The following FAM184B variants were observed in gnomAD, a reference collection of about 807,000 sequenced individuals.
FAM184B encodes family with sequence similarity 184 member B, also known as protein FAM184B.
Under a neutral mutation model 135.9 loss-of-function variants are expected in FAM184B, and 111 were observed. That is an observed-to-expected ratio of 0.82 (90% CI 0.70 to 0.96). The LOEUF (loss-of-function observed/expected upper bound fraction) is 0.96, where lower values mean the gene tolerates loss of function less well. Among genes scored for constraint, FAM184B ranks in the 40% least tolerant of loss-of-function variants. FAM184B has a pLI of 0.00. For missense variants in FAM184B, 1,375 were observed against 1,323.9 expected (o/e 1.04, Z -0.60); for synonymous variants, 552 against 524.8 (o/e 1.05, Z -0.71).
chr4:17,642,282 C>T, intron 12 of FAM184B, 54 bp from the exon 13 acceptor site: 2 of 1,420,194 alleles, frequency 1.4e-6, no homozygotes, highest in Non-Finnish European at 1.8e-6. Flanking sequence ...GCAGACAAGG[C>T]AGAAAGGGCC....
intron 11 of FAM184B, among the ~76,000 whole-genome samples, chr4:17,650,870 T>G (rs562758268): frequency 7.9e-5 from 12 of 152,302 alleles, no homozygotes; most frequent in African/African-American, 2.9e-4. Context: ...AAGAAAATGC[T>G]GTCCTCCAGA....
rs776945124 is a variant in FAM184B at position 17,647,801 on chromosome 4, GGA to G, written c.2192-12_2192-11del. 884 of 1,548,476 alleles carry G rather than the reference GGA, an allele frequency of 5.7e-4. 5 individuals carry two copies. The highest frequency in any genetic ancestry group is 8.0e-5 in the Non-Finnish European group (92 of 1,145,828). ...TCCTGTCTGAGCGACTCTGGAAAAG[GGA>G]GAGCAGCAGTGAGTTAGGCGTTGGG... On this transcript the variant is annotated splice_polypyrimidine_tract_variant and intron_variant, in intron 11 of 17. Transcript: ENST00000265018.
At chr4:17,722,674 C>T (rs978498557) in intron 1 of FAM184B, among the ~76,000 whole-genome samples, 1 of 152,150 alleles carries the variant, frequency 6.6e-6, no homozygotes, top group Non-Finnish European at 1.5e-5. Flanking sequence ...CCAGTCCAAC[C>T]CTCACACAGA....
Position 17,705,777 on chromosome 4 carries a change from C to A in FAM184B, c.1145G>T (p.Cys382Phe). The A allele has an allele frequency of 6.4e-7, 1 of 1,551,830 alleles. No homozygotes were observed. The highest frequency in any genetic ancestry group is 8.7e-7 in the Non-Finnish European group (1 of 1,147,018). The change falls in exon 4 of 18, where the codon TGC becomes TTC. Residue 382 changes from cysteine to phenylalanine, a missense_variant. Physicochemically the swap from Cys to Phe is radical, Grantham distance 205 (BLOSUM62 -2). Transcript: ENST00000265018. ...CTGCATATCTGTGCCTCCTTTCATG[C>A]AAGGGCACTCCTTGAGACAGCTTTG... ...QDQSCLKECPCMKGGTDMQTK... is the reference protein window; with the variant it reads ...QDQSCLKECPFMKGGTDMQTK...
intron 14 of FAM184B, among the ~76,000 whole-genome samples, chr4:17,638,135 T>A (rs531303753): frequency 3.2e-4 from 1 of 3,128 alleles, no homozygotes; most frequent in Non-Finnish European, 9.8e-4. Context: ...AACTGTTTGC[T>A]TTTTTTTTTT....
chr4:17,747,364 ACGGTG>A (rs1433244812), intron 1 of FAM184B, among the ~76,000 whole-genome samples: 2 of 152,084 alleles, frequency 1.3e-5, no homozygotes, highest in Non-Finnish European at 2.9e-5. Context: ...AACATGGGAA[ACGGTG>A]TGGACCTTTG....
At chr4:17,765,069 GA>G (rs1335906038) in intron 1 of FAM184B, among the ~76,000 whole-genome samples, 1 of 151,918 alleles carries the variant, frequency 6.6e-6, no homozygotes, top group African/African-American at 2.4e-5. Flanking sequence ...CTCAAAAAAA[GA>G]AAAAAAGAAA....
In FAM184B at chr4:17,705,779, A is replaced by G. The variant is rs763855070; in HGVS notation, c.1143T>C (p.Pro381=). The change falls in exon 4 of 18, where the codon CCT becomes CCC. Residue 381 remains proline (P), a synonymous_variant. Coordinates refer to ENST00000265018, the MANE Select transcript of FAM184B (RefSeq NM_015688.2). ...QQDQSCLKEC[P]CMKGGTDMQT... ...GCATATCTGTGCCTCCTTTCATGCAAGGGCACTCCTTGAGACAGCTTTGAT... is the reference window on the plus strand; with the variant it reads ...GCATATCTGTGCCTCCTTTCATGCAGGGGCACTCCTTGAGACAGCTTTGAT... The G allele has an allele frequency of 2.6e-6, 4 of 1,551,850 alleles. No individual in the cohort carries two copies. In the South Asian group the frequency reaches 4.8e-5, roughly 18 times the overall value.
chr4:17,654,638 CATTTCACCAAATTTCCTCTGGG>C (rs1199631114), intron 10 of FAM184B, among the ~76,000 whole-genome samples: 1 of 152,202 alleles, frequency 6.6e-6, no homozygotes, highest in Non-Finnish European at 1.5e-5. Context: ...ATGCAGTGGG[CATTTCACCAAATTTCCTCTGGG>C]ATTTCACCAA....
At position 17,718,910 on chromosome 4, in the gene FAM184B, C is replaced by T. The variant is rs113849819; in HGVS notation, c.142-9266G>A. 4.5e-3 allele frequency among the ~76,000 whole-genome samples: 688 copies of T among 152,296 alleles called. 6 individuals are homozygous for T. The highest frequency in any genetic ancestry group is 0.015 in the African/African-American group (616 of 41,556). On this transcript the variant is annotated intron_variant, in intron 1 of 17. Transcript: ENST00000265018. The stretch of plus-strand genomic sequence containing the variant: ...ACAGAATTATTGCAGGAACATCTGC[C>T]TAATACACAAAGTGAGATAGAAAAG...
At position 17,709,566 on chromosome 4, in the gene FAM184B, G is replaced by GCTC. The variant is rs1435332312; in HGVS notation, c.217_219dup (p.Glu73dup). 1 of 1,550,052 alleles carries GCTC rather than the reference G, an allele frequency of 6.5e-7. No individual in the cohort carries two copies. The highest frequency in any genetic ancestry group is 8.7e-7 in the Non-Finnish European group (1 of 1,146,800). ...TTGGTCTCTGCCACCGCATTCTGGA[G>GCTC]CTCCTCCTGGTGCGCTTCCCGCAGC... On this transcript the variant is annotated inframe_insertion, in exon 2 of 18. Coordinates refer to ENST00000265018, the MANE Select transcript of FAM184B (RefSeq NM_015688.2).
intron 10 of FAM184B, among the ~76,000 whole-genome samples, chr4:17,653,929 A>AGAGGGAGGGAGGGGGGTG (rs1715711202): frequency 1.4e-5 from 1 of 72,228 alleles, no homozygotes; most frequent in African/African-American, 5.4e-5. Context: ...AGGGAGGGGG[A>AGAGGGAGGGAGGGGGGTG]GGGGGATTTG....
At chr4:17,655,338 C>T (rs181471004) in intron 10 of FAM184B, among the ~76,000 whole-genome samples, 1 of 152,168 alleles carries the variant, frequency 6.6e-6, no homozygotes, top group Non-Finnish European at 1.5e-5. Flanking sequence ...CCCAGCCTCT[C>T]TCCATCCCTG....
chr4:17,707,766 T>C lies in FAM184B; in HGVS notation c.913A>G (p.Lys305Glu). ...ERIQDLDVQL[K>E]EARQENSELK... is the part of the protein sequence containing the mutation. The stretch of plus-strand genomic sequence containing the variant: ...TCTGAATTCTCCTGTCGAGCCTCCT[T>C]AAGCTGCACATCCAGGTCCTAAACA... The change falls in exon 3 of 18, where the codon AAG becomes GAG. Residue 305 changes from lysine (K) to glutamate (E), a missense_variant. Lys to Glu is a moderately conservative substitution (Grantham distance 56). Transcript: ENST00000265018. The C allele has an allele frequency of 6.4e-7, 1 of 1,552,036 alleles. No homozygotes were observed. Among genetic ancestry groups the C allele is most frequent in the South Asian group, 1.2e-5 (1 of 84,062 alleles).
rs556151807 is a variant in FAM184B, at chr4:17,724,010, C to G, written c.142-14366G>C. Among the ~76,000 whole-genome samples the G allele has an allele frequency of 2.6e-5, 4 of 152,194 alleles. No homozygotes were observed. The South Asian group carries it at 6.2e-4, about 24-fold the overall frequency. On this transcript the variant is annotated intron_variant, in intron 1 of 17. Coordinates refer to ENST00000265018, the MANE Select transcript of FAM184B (RefSeq NM_015688.2). ...TTGTTCCAGGTTTGTTTCAGAATCA[C>G]ACATGCCACCACTATACAATGTATC... is the stretch of plus-strand genomic sequence containing the variant.
At chr4:17,641,583 A>C (rs1413980387) in intron 13 of FAM184B, among the ~76,000 whole-genome samples, 1 of 108,526 alleles carries the variant, frequency 9.2e-6, no homozygotes. Flanking sequence ...AGTTCACGCG[A>C]TTTTCCTGCC....
At chr4:17,657,165 TTTTA>T (rs1715794239) in intron 10 of FAM184B, among the ~76,000 whole-genome samples, 1 of 152,226 alleles carries the variant, frequency 6.6e-6, no homozygotes, top group African/African-American at 2.4e-5. Context: ...ATGCTGCATT[TTTTA>T]TTTGTTTAGT....
intron 14 of FAM184B, 21 bp from the exon 15 acceptor site, chr4:17,636,666 G>A: frequency 1.3e-6 from 2 of 1,521,122 alleles, no homozygotes; most frequent in Non-Finnish European, 1.8e-6. Flanking sequence ...CAGGCATGCA[G>A]TCAAGTCCCC....
chr4:17,719,424 A>G (rs867837634), intron 1 of FAM184B, among the ~76,000 whole-genome samples: 1 of 152,222 alleles, frequency 6.6e-6, no homozygotes, highest in Non-Finnish European at 1.5e-5. Context: ...GGAATTTTCC[A>G]TTTCATATTT....
Sources: allele counts gnomAD v4.1 joint callset (sites outside exome capture counted in the v4.1 genomes callset), GRCh38; gene constraint gnomAD v4.1.1; transcripts MANE v1.5; gene names NCBI Gene and HGNC (gene_info 2026-07-23, HGNC 2026-07-21).